TRIM49: variants seen among roughly 807,000 people sequenced by gnomAD.
TRIM49 encodes the protein tripartite motif containing 49.
Under a neutral mutation model 27.4 loss-of-function variants are expected in TRIM49, and 5 were observed. The ratio of observed to expected loss-of-function variants is 0.18; its 90% confidence interval spans 0.10 to 0.38. The LOEUF (loss-of-function observed/expected upper bound fraction) is 0.38, where lower values mean the gene tolerates loss of function less well. Ranked by LOEUF, TRIM49 falls within the 10% of genes least tolerant of loss-of-function variation. The probability of loss-of-function intolerance (pLI) is 1.00; values close to 1 mark genes in which losing one functional copy is unlikely to be tolerated. For synonymous variants in TRIM49, 69 were observed against 166.0 expected, an observed-to-expected ratio of 0.42 and a Z score of 4.49; for missense variants, 188 against 487.5, an observed-to-expected ratio of 0.39 and a Z score of 5.79.
the TRIM49 span, chr11:89,768,045 G>T: frequency 0.25 from 113,489 of 461,102 alleles, 18,405 homozygotes; most frequent in East Asian, 0.49. Context: ...GTCTGTTTGA[G>T]GATAGTGAAA....
At chr11:89,786,219 CG>C in the TRIM49 span, 1 of 134,842 alleles carries the variant, frequency 7.4e-6, no homozygotes, top group Non-Finnish European at 1.6e-5. Context: ...GACGCTGGTG[CG>C]GTGTGGGGTG....
downstream of TRIM49, among the ~76,000 whole-genome samples, chr11:89,795,045 AAAAC>A (rs1248905197): frequency 2.8e-5 from 4 of 144,414 alleles, no homozygotes; most frequent in South Asian, 2.2e-4. Context: ...TTTACAAGAA[AAAAC>A]AAACAACCCC....
intron 2 of TRIM49, among the ~76,000 whole-genome samples, chr11:89,804,764 G>T (rs936357853): frequency 1.3e-5 from 2 of 151,170 alleles, no homozygotes; most frequent in Admixed American, 1.3e-4. Context: ...TCTGGAAATT[G>T]GGTTTTGATT....
At chr11:89,777,788 T>A in the TRIM49 span, 1 of 530,698 alleles carries the variant, frequency 1.9e-6, no homozygotes, top group Non-Finnish European at 3.2e-6. Flanking sequence ...CATATTCGTT[T>A]AACTTGGAAA....
At chr11:89,800,023 T>C (rs2134636094) in intron 6 of TRIM49, among the ~76,000 whole-genome samples, 1 of 147,402 alleles carries the variant, frequency 6.8e-6, no homozygotes, top group South Asian at 2.1e-4. Context: ...ATCTGATCCT[T>C]CTTTTTTTTT....
At chr11:89,807,471 C>T (rs1949796615) in intron 1 of TRIM49, among the ~76,000 whole-genome samples, 187 bp from the exon 2 acceptor site, 1 of 151,308 alleles carries the variant, frequency 6.6e-6, no homozygotes, top group Non-Finnish European at 1.5e-5. Flanking sequence ...TCAGAGCATA[C>T]ATAGGCTAGA....
chr11:89,783,373 G>A, the TRIM49 span, among the ~76,000 whole-genome samples: 16 of 96,704 alleles, frequency 1.7e-4, no homozygotes, highest in South Asian at 2.5e-3. Context: ...CAAAATGTAC[G>A]TAACAAAATA....
At chr11:89,781,806 C>CA in the TRIM49 span, 1 of 836,974 alleles carries the variant, frequency 1.2e-6, no homozygotes, top group South Asian at 1.8e-5. Flanking sequence ...GGAAGAAGAG[C>CA]AAATGAAGTG....
chr11:89,773,776 T>C, the TRIM49 span, among the ~76,000 whole-genome samples: 2 of 131,302 alleles, frequency 1.5e-5, no homozygotes, highest in Non-Finnish European at 3.1e-5. Context: ...CTGTCTCTAG[T>C]AAAAATACAA....
chr11:89,777,457 T>C, the TRIM49 span: 1 of 1,523,868 alleles, frequency 6.6e-7, no homozygotes, highest in Non-Finnish European at 8.8e-7. Flanking sequence ...CCTGTGATAA[T>C]GATGGTGATG....
chr11:89,793,306 A>C (rs1435045450), downstream of TRIM49, among the ~76,000 whole-genome samples: 4 of 152,106 alleles, frequency 2.6e-5, no homozygotes, highest in African/African-American at 7.2e-5. Flanking sequence ...CTAGAGGTAC[A>C]AGGAGGAGCT....
the TRIM49 span, chr11:89,786,046 G>T: frequency 2.5e-5 from 3 of 118,368 alleles, no homozygotes; most frequent in East Asian, 7.6e-4. Context: ...GAGGAGGACC[G>T]CACTGAATTC....
the TRIM49 span, among the ~76,000 whole-genome samples, chr11:89,790,364 G>A: frequency 1.9e-4 from 27 of 143,510 alleles, no homozygotes; most frequent in South Asian, 1.6e-3. Flanking sequence ...AGCAGAAACC[G>A]CTGCAGACTT....
chr11:89,790,271 G>C, the TRIM49 span, among the ~76,000 whole-genome samples: 1 of 138,712 alleles, frequency 7.2e-6, no homozygotes, highest in African/African-American at 2.8e-5. Flanking sequence ...GCTTAAACTG[G>C]GTGGAGCCCA....
At chr11:89,776,811 T>C in the TRIM49 span, among the ~76,000 whole-genome samples, 4 of 151,096 alleles carry the variant, frequency 2.6e-5, no homozygotes, top group South Asian at 8.4e-4. Flanking sequence ...AAATCCAGCA[T>C]GTTTGCATTT....
At chr11:89,784,132 C>A in the TRIM49 span, among the ~76,000 whole-genome samples, 2 of 114,378 alleles carry the variant, frequency 1.7e-5, no homozygotes, top group African/African-American at 6.3e-5. Context: ...ACATTTGATT[C>A]AGAAAACAAA....
the TRIM49 span, among the ~76,000 whole-genome samples, chr11:89,782,955 G>T: frequency 8.3e-6 from 1 of 119,824 alleles, no homozygotes; most frequent in South Asian, 2.5e-4. Flanking sequence ...GGCTGGGGTA[G>T]AAAAATGAAG....
the TRIM49 span, chr11:89,766,717 A>T: frequency 6.5e-7 from 1 of 1,534,898 alleles, no homozygotes; most frequent in Middle Eastern, 2.0e-4. Context: ...AAATCAAGAA[A>T]CACACCAACT....
the TRIM49 span, chr11:89,776,861 T>C: frequency 3.4e-6 from 3 of 880,698 alleles, no homozygotes; most frequent in Non-Finnish European, 5.2e-6. Flanking sequence ...TTATTCGACA[T>C]GTTGGACAGA....
Sources: gnomAD v4.1 joint callset for allele counts (sites outside exome capture counted in the v4.1 genomes callset) on GRCh38, gnomAD v4.1.1 for gene constraint, MANE v1.5 for transcripts, NCBI Gene and HGNC (gene_info 2026-07-23, HGNC 2026-07-21) for gene names.